NOX4: variants seen among roughly 807,000 people sequenced by gnomAD.
NOX4 encodes NADPH oxidase 4.
A neutral mutation model predicts 87.6 loss-of-function variants in NOX4; 69 were observed. The ratio of observed to expected loss-of-function variants is 0.79; its 90% CI spans 0.65 to 0.96. The LOEUF (loss-of-function observed/expected upper bound fraction) is 0.96, where lower values mean the gene tolerates loss of function less well. Among genes scored for constraint, NOX4 ranks in the 40% least tolerant of loss-of-function variants. The pLI is 0.00. For missense variants in NOX4, 680 were observed against 681.5 expected (o/e 1.00, Z 0.02); for synonymous variants, 275 against 238.2 (o/e 1.15, Z -1.42).
chr11:89,351,927 CA>C (rs1946473317), intron 13 of NOX4, among the ~76,000 whole-genome samples: 1 of 151,908 alleles, frequency 6.6e-6, no homozygotes, highest in African/African-American at 2.4e-5. Context: ...TGTTCAGGAA[CA>C]AAAAAGAACA....
rs1241517467 is a variant in NOX4, at chr11:89,383,418, T to C, written c.1075-9926A>G. Among the ~76,000 whole-genome samples the C allele has an allele frequency of 3.3e-5, 5 of 152,234 alleles. No individual in the cohort carries two copies. In the South Asian group the frequency reaches 8.3e-4, roughly 25 times the overall value. On this transcript the variant is annotated intron_variant, in intron 11 of 17. Transcript: ENST00000263317. ...GAACTCTGGCCCAAGGCCCTCTGAC[T>C]GACTCCTTCCCAGGTCTTCTCGGCT...
At position 89,491,252 on chromosome 11, in the gene NOX4, C is replaced by G. The variant is rs779013102; in HGVS notation, c.-6G>C. On this transcript the variant is annotated 5_prime_UTR_variant, in exon 1 of 18. Transcript: ENST00000263317. Reference sequence around the variant, plus strand: ...CTCCTCCAGGACACAGCCATGCCGCCGGCCCCGCCGCGCTGCGCTCTGTGC... The same window carrying G: ...CTCCTCCAGGACACAGCCATGCCGCGGGCCCCGCCGCGCTGCGCTCTGTGC... The G allele has an allele frequency of 6.2e-7, 1 of 1,611,358 alleles. No homozygotes were observed. The highest frequency in any genetic ancestry group is 1.3e-5 in the African/African-American group (1 of 74,884).
At chr11:89,459,732 G>T (rs1945365900) in intron 2 of NOX4, among the ~76,000 whole-genome samples, 1 of 152,060 alleles carries the variant, frequency 6.6e-6, no homozygotes, top group African/African-American at 2.4e-5. Context: ...TGGCCATACT[G>T]CCCAAGGTAA....
At chr11:89,571,642 A>T in the NOX4 span, among the ~76,000 whole-genome samples, 1 of 151,988 alleles carries the variant, frequency 6.6e-6, no homozygotes. Context: ...AAGAGCAATA[A>T]GATGTTTTGT....
chr11:89,554,657 G>A, the NOX4 span, among the ~76,000 whole-genome samples: 456 of 152,166 alleles, frequency 3.0e-3, 1 homozygote, highest in African/African-American at 0.011. Flanking sequence ...CTTTAGGGTG[G>A]ATTAAATATC....
chr11:89,469,511 G>C (rs1324166856), intron 2 of NOX4, among the ~76,000 whole-genome samples: 1 of 152,056 alleles, frequency 6.6e-6, no homozygotes, highest in Non-Finnish European at 1.5e-5. Flanking sequence ...CCCATACAAA[G>C]CCTAATTCTT....
chr11:89,428,293 A>AG (rs200230754), intron 7 of NOX4, among the ~76,000 whole-genome samples: 24,779 of 152,088 alleles, frequency 0.16, 2,941 homozygotes, highest in African/African-American at 0.32. Flanking sequence ...CATCGATGCT[A>AG]GAAGAAACTG....
chr11:89,427,283 C>A (rs775751151), intron 7 of NOX4, among the ~76,000 whole-genome samples: 3 of 152,112 alleles, frequency 2.0e-5, no homozygotes, highest in Non-Finnish European at 4.4e-5. Flanking sequence ...AAAAACAGAG[C>A]AGAAAAGCTG....
intron 2 of NOX4, among the ~76,000 whole-genome samples, chr11:89,456,907 T>C (rs2135403399): frequency 6.6e-6 from 1 of 152,246 alleles, no homozygotes; most frequent in South Asian, 2.1e-4. Context: ...AACATGGTGG[T>C]GTTGCAAATG....
the NOX4 span, among the ~76,000 whole-genome samples, chr11:89,555,331 C>A: frequency 2.6e-5 from 4 of 152,150 alleles, no homozygotes; most frequent in Admixed American, 6.5e-5. Context: ...CACACACACA[C>A]AAAAATTAGA....
chr11:89,372,157 T>C (rs1224316208), intron 12 of NOX4, among the ~76,000 whole-genome samples: 1 of 151,792 alleles, frequency 6.6e-6, no homozygotes, highest in Non-Finnish European at 1.5e-5. Flanking sequence ...ACAAATCCAT[T>C]ACTTCCAATT....
the NOX4 span, among the ~76,000 whole-genome samples, chr11:89,521,133 T>C: frequency 6.6e-6 from 1 of 152,078 alleles, no homozygotes; most frequent in East Asian, 1.9e-4. Context: ...TTCAATGCTA[T>C]TCACATCAAA....
At chr11:89,461,786 C>G (rs574497086) in intron 2 of NOX4, among the ~76,000 whole-genome samples, 1 of 151,940 alleles carries the variant, frequency 6.6e-6, no homozygotes, top group African/African-American at 2.4e-5. Context: ...GTAAAATTGA[C>G]CAGTAAAATC....
the NOX4 span, among the ~76,000 whole-genome samples, chr11:89,547,271 A>T: frequency 1.3e-5 from 2 of 152,176 alleles, no homozygotes; most frequent in Admixed American, 6.6e-5. Flanking sequence ...AGTTAATTGA[A>T]TCAGTTACTT....
chr11:89,410,848 C>T (rs1942440049), intron 8 of NOX4, among the ~76,000 whole-genome samples: 1 of 152,174 alleles, frequency 6.6e-6, no homozygotes, highest in African/African-American at 2.4e-5. Flanking sequence ...GGCTCACAGC[C>T]AGTGATGTGG....
chr11:89,338,171 T>C lies in NOX4; in HGVS notation c.1447-656A>G, dbSNP rs1441111743. The stretch of plus-strand genomic sequence containing the variant: ...TTGAAATATTTTTAGCAAGGATGCA[T>C]ATGTAGAGACTATTCTACTTCCTGC... On this transcript the variant is annotated intron_variant, in intron 15 of 17. Transcript: ENST00000263317. Among the ~76,000 whole-genome samples the C allele has an allele frequency of 2.0e-5, 3 of 152,092 alleles. No homozygotes were observed. In the East Asian group the frequency reaches 5.8e-4, roughly 29 times the overall value.
At chr11:89,490,405 G>T in intron 2 of NOX4, 53 bp downstream of exon 2, 1 of 1,205,512 alleles carries the variant, frequency 8.3e-7, no homozygotes, top group Non-Finnish European at 1.2e-6. Flanking sequence ...CTGTAGCAAT[G>T]TCTGCCAGTG....
At chr11:89,556,937 G>A in the NOX4 span, 1 of 152,138 alleles carries the variant, frequency 6.6e-6, no homozygotes, top group Admixed American at 6.6e-5. Flanking sequence ...TATGCATGAT[G>A]TTTTAATGAA....
intron 11 of NOX4, among the ~76,000 whole-genome samples, chr11:89,377,716 AT>A (rs1939960933): frequency 1.3e-5 from 2 of 152,194 alleles, no homozygotes; most frequent in Admixed American, 6.5e-5. Context: ...TTTAATAAAA[AT>A]CAAAAATGAT....
Sources: allele counts gnomAD v4.1 joint callset (sites outside exome capture counted in the v4.1 genomes callset), GRCh38; gene constraint gnomAD v4.1.1; transcripts MANE v1.5; gene names NCBI Gene and HGNC (gene_info 2026-07-23, HGNC 2026-07-21).